Variants in POSTN observed in about 807,000 individuals in gnomAD.
POSTN encodes the protein osteoblast specific factor 2 (fasciclin I-like).
A neutral mutation model predicts 104.5 loss-of-function variants in POSTN; 71 were observed. The observed-to-expected ratio is 0.68, with a 90% CI of 0.56 to 0.83. POSTN has a LOEUF of 0.83. Ranked by LOEUF, POSTN falls within the 40% of genes least tolerant of loss-of-function variation. POSTN has a pLI of 0.00. For synonymous variants in POSTN, 355 were observed against 340.7 expected (o/e 1.04, Z -0.46); for missense variants, 949 against 1,006.8 (o/e 0.94, Z 0.78).
rs751660590 is a variant in POSTN at position 37,592,175 on chromosome 13, G to A, written c.219-11C>T. 8.8e-6 allele frequency: 13 copies of A among 1,480,748 alleles called. No individual in the cohort carries two copies. The Admixed American group carries it at 2.4e-4, about 27-fold the overall frequency. 91.7% of individuals were successfully genotyped at this position (1,480,748 alleles called of 1,614,324 possible). The stretch of plus-strand genomic sequence containing the variant: ...TCATATAACACAGTCCTGTACATAG[G>A]AAGAAAATTAATATTAAAATGAGAA... On this transcript the variant is annotated splice_polypyrimidine_tract_variant and intron_variant, in intron 2 of 22. Transcript: ENST00000379747.
chr13:37,567,557 C>T (rs991849447), intron 21 of POSTN, among the ~76,000 whole-genome samples: 2 of 152,034 alleles, frequency 1.3e-5, no homozygotes, highest in Non-Finnish European at 2.9e-5. Flanking sequence ...TAGTGTTTTT[C>T]CTACAAAAAG....
intron 11 of POSTN, among the ~76,000 whole-genome samples, chr13:37,580,277 G>A (rs1406743412): frequency 6.6e-6 from 1 of 152,196 alleles, no homozygotes; most frequent in South Asian, 2.1e-4. Context: ...TACTCTACAA[G>A]ATAGTCTTTG....
At chr13:37,582,078 T>G (rs1950606407) in intron 10 of POSTN, among the ~76,000 whole-genome samples, 1 of 152,212 alleles carries the variant, frequency 6.6e-6, no homozygotes, top group Non-Finnish European at 1.5e-5. Flanking sequence ...AAAGGAAAAG[T>G]TTATTTTAAA....
chr13:37,596,839 C>T (rs987158637), intron 2 of POSTN, among the ~76,000 whole-genome samples: 12 of 152,186 alleles, frequency 7.9e-5, no homozygotes, highest in African/African-American at 2.9e-4. Context: ...GAAACTAAGT[C>T]ACAGAGGTTA....
intron 22 of POSTN, among the ~76,000 whole-genome samples, 158 bp from the exon 23 acceptor site, chr13:37,563,528 T>C (rs2138116421): frequency 6.6e-6 from 1 of 152,186 alleles, no homozygotes; most frequent in South Asian, 2.1e-4. Context: ...GTGAAGCAAA[T>C]ATTATATTTT....
intron 16 of POSTN, among the ~76,000 whole-genome samples, chr13:37,575,039 G>A (rs1950365533): frequency 6.6e-6 from 1 of 151,902 alleles, no homozygotes; most frequent in African/African-American, 2.4e-5. Context: ...ATCTTAAATT[G>A]CATTGCTGGA....
chr13:37,582,146 A>G (rs527933308), intron 10 of POSTN, among the ~76,000 whole-genome samples: 1 of 152,230 alleles, frequency 6.6e-6, no homozygotes, highest in Non-Finnish European at 1.5e-5. Flanking sequence ...AAAGTTATTC[A>G]TAATGAAACA....
chr13:37,579,261 T>A lies in POSTN; in HGVS notation c.1759A>T (p.Thr587Ser). 1.2e-6 allele frequency: 2 copies of A among 1,610,690 alleles called. No homozygotes were observed. The highest frequency in any genetic ancestry group is 1.7e-6 in the Non-Finnish European group (2 of 1,177,054). ...AGAAAGATTTTGCTTCCTTGTGTGG[T>A]CTTTAAAATGTTAGTAACACCAGGT... is the stretch of plus-strand genomic sequence containing the variant. ...FEPGVTNILK[T>S]TQGSKIFLKE... The change falls in exon 13 of 23, where the codon ACC becomes TCC. Residue 587 changes from threonine (T) to serine (S), a missense_variant. Thr to Ser is a moderately conservative substitution (Grantham distance 58). Transcript: ENST00000379747.
chr13:37,590,746 GA>G (rs35752952), intron 3 of POSTN, among the ~76,000 whole-genome samples: 36,316 of 151,046 alleles, frequency 0.24, 4,959 homozygotes, highest in East Asian at 0.68. Flanking sequence ...TTGTGTTGAG[GA>G]AAAAAAAATT....
At chr13:37,564,199 T>C (rs56043643) in intron 22 of POSTN, among the ~76,000 whole-genome samples, 19,101 of 110,574 alleles carry the variant, frequency 0.17, 2,519 homozygotes, top group Non-Finnish European at 0.24. Context: ...TATATATATA[T>C]ATATATATAT....
intron 21 of POSTN, among the ~76,000 whole-genome samples, chr13:37,566,583 A>G (rs1308602047): frequency 1.3e-5 from 2 of 152,184 alleles, no homozygotes; most frequent in Non-Finnish European, 2.9e-5. Context: ...CTAATTTGGG[A>G]TTGAGTTGGG....
rs1391684619 is a variant in POSTN at position 37,579,349 on chromosome 13, A to G, written c.1671T>C (p.Asn557=). 5.7e-6 allele frequency: 9 copies of G among 1,582,876 alleles called. No homozygotes were observed. The Admixed American group carries it at 1.5e-4, about 26-fold the overall frequency. The change falls in exon 13 of 23, where the codon AAT becomes AAC. Residue 557 remains asparagine (N), a synonymous_variant. Transcript: ENST00000379747. ...EEKEILIRDK[N]ALQNIILYHL... The stretch of plus-strand genomic sequence containing the variant: ...GATAAAGAATGATGTTTTGAAGAGC[A>G]TTTTTGTCCCCTAGGGGAAAATATA...
intron 17 of POSTN, among the ~76,000 whole-genome samples, chr13:37,574,090 G>C (rs1301308751): frequency 6.6e-6 from 1 of 151,236 alleles, no homozygotes; most frequent in Non-Finnish European, 1.5e-5. Flanking sequence ...TCTCATGCGT[G>C]GTTGTAATTT....
At position 37,578,524 on chromosome 13, in the gene POSTN, G is replaced by A. The variant is rs533614499; in HGVS notation, c.1962+320C>T. Among the ~76,000 whole-genome samples the A allele has an allele frequency of 3.1e-3, 470 of 152,176 alleles. 2 individuals are homozygous for A. The highest frequency in any genetic ancestry group is 4.9e-3 in the Non-Finnish European group (335 of 68,010). The stretch of plus-strand genomic sequence containing the variant: ...AAATCAAGTAACTTTTAGGCTAGGC[G>A]CGGTGGCTCACGCCTGTAATCCTGG... On this transcript the variant is annotated intron_variant, in intron 15 of 22. Coordinates refer to ENST00000379747, the MANE Select transcript of POSTN (RefSeq NM_006475.3).
chr13:37,594,255 T>C (rs991094836), intron 2 of POSTN, among the ~76,000 whole-genome samples: 6 of 152,100 alleles, frequency 3.9e-5, no homozygotes, highest in Non-Finnish European at 2.9e-5. Flanking sequence ...AATACTTACT[T>C]GAAGTAAAAT....
chr13:37,583,856 C>A, intron 9 of POSTN, 113 bp downstream of exon 9: 1 of 1,298,638 alleles, frequency 7.7e-7, no homozygotes, highest in Non-Finnish European at 1.0e-6. Flanking sequence ...GTAGCCAATG[C>A]AGAAACTAAT....
chr13:37,584,247 C>G, intron 8 of POSTN, 144 bp from the exon 9 acceptor site: 2 of 1,016,600 alleles, frequency 2.0e-6, no homozygotes, highest in African/African-American at 3.3e-5. Flanking sequence ...CTCCTCCTCC[C>G]TAATAAGAGA....
intron 2 of POSTN, 38 bp from the exon 3 acceptor site, chr13:37,592,202 C>T (rs1317069698): frequency 8.4e-7 from 1 of 1,196,072 alleles, no homozygotes; most frequent in Non-Finnish European, 1.2e-6. Flanking sequence ...AAATGAGAAA[C>T]TAAATAGGAT....
At chr13:37,590,082 C>G (rs2138357330) in intron 4 of POSTN, among the ~76,000 whole-genome samples, 1 of 152,138 alleles carries the variant, frequency 6.6e-6, no homozygotes, top group South Asian at 2.1e-4. Context: ...CATATCCTCA[C>G]AAACAAACAG....
Sources: allele counts gnomAD v4.1 joint callset (sites outside exome capture counted in the v4.1 genomes callset), GRCh38; gene constraint gnomAD v4.1.1; transcripts MANE v1.5; gene names NCBI Gene and HGNC (gene_info 2026-07-23, HGNC 2026-07-21).